Variants in PCDH11X observed in about 807,000 individuals in gnomAD.
PCDH11X encodes the protein protocadherin-11 X-linked.
In PCDH11X, 18 loss-of-function variants were observed where a neutral mutation model predicts 53.3. That is an observed-to-expected ratio of 0.34 (90% confidence interval 0.23 to 0.50). PCDH11X has a LOEUF of 0.50. Ranked by LOEUF, PCDH11X falls within the 20% of genes least tolerant of loss-of-function variation. The pLI is 0.98. For missense variants in PCDH11X, 570 were observed against 1,032.4 expected (o/e 0.55, Z 6.14); for synonymous variants, 279 against 393.3 (o/e 0.71, Z 3.44).
Position 92,620,799 on chromosome X carries a change from G to A in PCDH11X, c.*1859G>A, listed in dbSNP as rs2556913. 1.9e-5 allele frequency: 2 copies of A among 107,093 alleles called. No individual in the cohort carries two copies. Among genetic ancestry groups the A allele is most frequent in the African/African-American group, 7.1e-5 (2 of 28,361 alleles). 8.8% of individuals were successfully genotyped at this position (107,093 alleles called of 1,213,427 possible). On this transcript the variant is annotated 3_prime_UTR_variant, in exon 11 of 11. Coordinates refer to ENST00000682573, the MANE Select transcript of PCDH11X (RefSeq NM_032968.5). ...AGTTTGATTAATAAAATTAATTAAT[G>A]TTTTTTCTCCTTCGTGTTGTTAATG...
intron 10 of PCDH11X, among the ~76,000 whole-genome samples, chrX:92,489,854 A>G (rs1190092976): frequency 9.7e-6 from 1 of 103,328 alleles, no homozygotes; most frequent in Non-Finnish European, 2.0e-5. Context: ...CACATCAGCC[A>G]CTTTACTAAA....
At chrX:92,217,972 G>A (rs965711496) in intron 7 of PCDH11X, among the ~76,000 whole-genome samples, 2 of 108,273 alleles carry the variant, frequency 1.8e-5, no homozygotes, top group African/African-American at 6.7e-5. Flanking sequence ...ATAACGAAAT[G>A]AAGGCAGAAA....
intron 7 of PCDH11X, among the ~76,000 whole-genome samples, chrX:92,215,399 T>C (rs762576900): frequency 3.7e-5 from 4 of 106,772 alleles, no homozygotes; most frequent in Admixed American, 3.1e-4. Context: ...CAGGAGATTA[T>C]ATCCTGCACC....
chrX:92,044,172 A>C (rs1055785373), intron 6 of PCDH11X, among the ~76,000 whole-genome samples: 2 of 109,297 alleles, frequency 1.8e-5, no homozygotes, highest in Non-Finnish European at 3.8e-5. Context: ...GAATTAGCAA[A>C]ATCTTTGTAG....
chrX:92,163,081 T>C (rs1459427189), intron 6 of PCDH11X, among the ~76,000 whole-genome samples: 1 of 103,443 alleles, frequency 9.7e-6, no homozygotes, highest in Non-Finnish European at 2.0e-5. Flanking sequence ...TATGGCAGTC[T>C]CTGCTGTGTC....
intron 6 of PCDH11X, among the ~76,000 whole-genome samples, chrX:92,184,729 G>A (rs1292161309): frequency 1.8e-5 from 2 of 110,908 alleles, no homozygotes; most frequent in African/African-American, 6.6e-5. Flanking sequence ...ATATTACTAA[G>A]GAAAGAATAG....
At chrX:92,051,978 T>A (rs2063373663) in intron 6 of PCDH11X, among the ~76,000 whole-genome samples, 1 of 108,568 alleles carries the variant, frequency 9.2e-6, no homozygotes, top group African/African-American at 3.4e-5. Flanking sequence ...GTATATTTTC[T>A]TTAGTCTCCA....
intron 7 of PCDH11X, among the ~76,000 whole-genome samples, chrX:92,253,875 CT>C (rs759169493): frequency 1.2e-3 from 133 of 111,955 alleles, no homozygotes; most frequent in African/African-American, 4.2e-3. Context: ...AACATATGAT[CT>C]GCAAACAAGG....
chrX:92,274,309 T>C (rs371064898), intron 8 of PCDH11X, among the ~76,000 whole-genome samples: 5 of 106,572 alleles, frequency 4.7e-5, no homozygotes, highest in Non-Finnish European at 9.4e-5. Context: ...ACTTTTCTTG[T>C]AGACGGAGGA....
intron 6 of PCDH11X, among the ~76,000 whole-genome samples, chrX:92,069,842 C>T (rs1405539468): frequency 9.0e-6 from 1 of 110,713 alleles, no homozygotes; most frequent in African/African-American, 3.3e-5. Context: ...CTACCATGCC[C>T]ATCCAATTTT....
At chrX:92,404,112 C>G (rs962209530) in intron 9 of PCDH11X, among the ~76,000 whole-genome samples, 1 of 106,633 alleles carries the variant, frequency 9.4e-6, no homozygotes, top group Non-Finnish European at 1.9e-5. Flanking sequence ...CTAGCCCACC[C>G]TCATCAAAGC....
chrX:91,895,965 A>AC (rs2147776143), intron 6 of PCDH11X, among the ~76,000 whole-genome samples: 1 of 100,841 alleles, frequency 9.9e-6, no homozygotes, highest in East Asian at 3.1e-4. Context: ...ACGTGTATGT[A>AC]ATACACGTAC....
intron 4 of PCDH11X, among the ~76,000 whole-genome samples, chrX:91,817,833 T>A (rs1936502006): frequency 9.0e-6 from 1 of 111,449 alleles, no homozygotes; most frequent in South Asian, 3.8e-4. Context: ...TATCTATAAA[T>A]CAAGTCCTGA....
intron 6 of PCDH11X, among the ~76,000 whole-genome samples, chrX:92,200,979 A>G (rs781332209): frequency 5.3e-4 from 58 of 109,820 alleles, no homozygotes; most frequent in Non-Finnish European, 8.5e-4. Context: ...TGGCACAATC[A>G]TAGCTCACTG....
chrX:91,875,591 G>A (rs1457410959), intron 5 of PCDH11X, among the ~76,000 whole-genome samples: 2 of 110,265 alleles, frequency 1.8e-5, no homozygotes, highest in Admixed American at 9.7e-5. Context: ...GCTCCCGGCC[G>A]AGGGGATTGT....
chrX:92,219,569 C>A (rs1376946219), intron 7 of PCDH11X, among the ~76,000 whole-genome samples: 3 of 105,617 alleles, frequency 2.8e-5, no homozygotes, highest in African/African-American at 1.0e-4. Context: ...AATGGAAGAA[C>A]ATTCCATGCT....
intron 10 of PCDH11X, among the ~76,000 whole-genome samples, chrX:92,596,840 T>C (rs1268741119): frequency 9.1e-6 from 1 of 109,515 alleles, no homozygotes; most frequent in Non-Finnish European, 1.9e-5. Flanking sequence ...AATTAAACAA[T>C]ACACTAAAAA....
At chrX:92,594,261 A>G (rs775077268) in intron 10 of PCDH11X, among the ~76,000 whole-genome samples, 2 of 107,718 alleles carry the variant, frequency 1.9e-5, no homozygotes, top group East Asian at 2.9e-4. Flanking sequence ...CAAACTTTCC[A>G]TGGTCAAATT....
rs1330586551 is a variant in PCDH11X, at chrX:92,323,617, C to T, written c.3144+60474C>T. The stretch of plus-strand genomic sequence containing the variant: ...CTTTAAGTTTTAGGGTACATGTGCA[C>T]AATGTGCAGGTTAGTTACATATGTA... On this transcript the variant is annotated intron_variant, in intron 8 of 10. Transcript: ENST00000682573. 3.6e-5 allele frequency among the ~76,000 whole-genome samples: 4 copies of T among 110,505 alleles called. No homozygotes were observed. The Admixed American group carries it at 3.9e-4, about 11-fold the overall frequency.
Sources: gnomAD v4.1 joint callset for allele counts (sites outside exome capture counted in the v4.1 genomes callset) on GRCh38, gnomAD v4.1.1 for gene constraint, MANE v1.5 for transcripts, NCBI Gene and HGNC (gene_info 2026-07-23, HGNC 2026-07-21) for gene names.